The following MPDZ variants were observed in gnomAD, a reference collection of about 807,000 sequenced individuals.
The protein encoded by MPDZ is multiple PDZ domain crumbs cell polarity complex component.
Under a neutral mutation model 239.1 loss-of-function variants are expected in MPDZ, and 234 were observed. That is an observed-to-expected ratio of 0.98 (90% CI 0.88 to 1.09). The LOEUF (loss-of-function observed/expected upper bound fraction) is 1.09, where lower values mean the gene tolerates loss of function less well. Among genes scored for constraint, MPDZ ranks in the 50% least tolerant of loss-of-function variants. The probability of loss-of-function intolerance (pLI) is 0.00; values close to 1 mark genes in which losing one functional copy is unlikely to be tolerated. For missense variants in MPDZ, 3,175 were observed against 2,510.0 expected, an observed-to-expected ratio of 1.26 and a Z score of -5.66; for synonymous variants, 1,048 against 881.3, an observed-to-expected ratio of 1.19 and a Z score of -3.35.
chr9:13,209,338 G>A (rs1010587203), intron 10 of MPDZ, among the ~76,000 whole-genome samples: 3 of 152,112 alleles, frequency 2.0e-5, no homozygotes, highest in African/African-American at 4.8e-5. Context: ...AGCAAACACA[G>A]AAAACAAAAA....
chr9:13,143,451 T>A lies in MPDZ; in HGVS notation c.3840+15A>T. On this transcript the variant is annotated intron_variant, in intron 27 of 46. Transcript: ENST00000319217. The stretch of plus-strand genomic sequence containing the variant: ...CAAAAGGCAACCAACAGCAAGACAA[T>A]GGGCATTATCCAACCTTGTCGGCGT... 2 of 1,588,846 alleles carry A rather than the reference T, an allele frequency of 1.3e-6. No homozygotes were observed. The highest frequency in any genetic ancestry group is 8.6e-7 in the Non-Finnish European group (1 of 1,158,038).
intron 27 of MPDZ, among the ~76,000 whole-genome samples, chr9:13,140,410 G>GTA (rs1411676924): frequency 7.7e-6 from 1 of 129,854 alleles, no homozygotes; most frequent in Non-Finnish European, 1.5e-5. Context: ...ATATATATAT[G>GTA]TATATATATG....
At chr9:13,157,183 T>A (rs564000953) in intron 24 of MPDZ, among the ~76,000 whole-genome samples, 1 of 152,326 alleles carries the variant, frequency 6.6e-6, no homozygotes, top group Admixed American at 6.5e-5. Flanking sequence ...GTAACAAATA[T>A]TAATGTTTAC....
chr9:13,123,469 T>G (rs1944671147), intron 35 of MPDZ, among the ~76,000 whole-genome samples, 171 bp from the exon 36 acceptor site: 2 of 152,114 alleles, frequency 1.3e-5, no homozygotes, highest in Non-Finnish European at 1.5e-5. Context: ...TATTTAAAAA[T>G]AAAACAAATG....
chr9:13,155,693 A>G (rs1949735458), intron 24 of MPDZ, among the ~76,000 whole-genome samples: 1 of 152,204 alleles, frequency 6.6e-6, no homozygotes, highest in African/African-American at 2.4e-5. Flanking sequence ...CATACAAAGT[A>G]CATTTTTGTT....
At chr9:13,242,325 A>T (rs1477378541) in intron 3 of MPDZ, among the ~76,000 whole-genome samples, 1 of 145,918 alleles carries the variant, frequency 6.9e-6, no homozygotes, top group African/African-American at 2.6e-5. Flanking sequence ...TCCTGGGCTC[A>T]AGCAATTCTC....
intron 12 of MPDZ, among the ~76,000 whole-genome samples, chr9:13,200,762 T>C (rs894833528): frequency 6.6e-6 from 1 of 152,162 alleles, no homozygotes; most frequent in African/African-American, 2.4e-5. Flanking sequence ...TATTCCATTA[T>C]GGTCAGAAAA....
At chr9:13,135,992 C>T in intron 31 of MPDZ, 100 bp downstream of exon 31, 2 of 776,662 alleles carry the variant, frequency 2.6e-6, no homozygotes, top group Non-Finnish European at 4.2e-6. Context: ...ACTTATCTAC[C>T]TCTAATATCC....
chr9:13,149,400 A>G (rs1487977167), intron 25 of MPDZ, among the ~76,000 whole-genome samples: 3 of 152,078 alleles, frequency 2.0e-5, no homozygotes, highest in African/African-American at 7.2e-5. Context: ...ACTTGTATAA[A>G]GTAAATATAA....
At chr9:13,209,484 G>T (rs1957367623) in intron 10 of MPDZ, among the ~76,000 whole-genome samples, 1 of 151,920 alleles carries the variant, frequency 6.6e-6, no homozygotes, top group Non-Finnish European at 1.5e-5. Context: ...TAAAACATCT[G>T]GAAAAAAACC....
At chr9:13,249,410 G>A (rs972725791) in intron 2 of MPDZ, among the ~76,000 whole-genome samples, 1 of 152,154 alleles carries the variant, frequency 6.6e-6, no homozygotes, top group Middle Eastern at 3.4e-3. Context: ...TACAGCATGT[G>A]GGTTTAGTAT....
In MPDZ at chr9:13,112,005, G is replaced by C. The variant is rs929041160; in HGVS notation, c.5724+19C>G. On this transcript the variant is annotated intron_variant, in intron 43 of 46. Transcript: ENST00000319217. ...CTGCACATTTTGCTAGGGCTTCTAG[G>C]GTTGATAGTACGACTCACTCTGAGT... The C allele has an allele frequency of 3.1e-6, 5 of 1,611,828 alleles. No homozygotes were observed. Among genetic ancestry groups the C allele is most frequent in the Non-Finnish European group, 4.2e-6 (5 of 1,178,652 alleles).
intron 10 of MPDZ, among the ~76,000 whole-genome samples, chr9:13,216,297 GTT>G (rs760415670): frequency 2.1e-5 from 3 of 141,120 alleles, no homozygotes; most frequent in Non-Finnish European, 4.7e-5. Flanking sequence ...AAGAAGCTAG[GTT>G]TTTTTTTTTT....
At position 13,215,753 on chromosome 9, in the gene MPDZ, G is replaced by GTTTTTTTTTTTTTT. The variant is rs56281339; in HGVS notation, c.1290+1007_1290+1020dup. The stretch of plus-strand genomic sequence containing the variant: ...AGATAAACAGGTTTCTCTATTGCAG[G>GTTTTTTTTTTTTTT]TTTTTTTTTTTTTTTTTTTTTGTCT... On this transcript the variant is annotated intron_variant, in intron 10 of 46. Coordinates refer to ENST00000319217, the MANE Select transcript of MPDZ (RefSeq NM_001378778.1). Among the ~76,000 whole-genome samples, 205 of 89,038 alleles carry GTTTTTTTTTTTTTT rather than the reference G, an allele frequency of 2.3e-3. 1 individual carries two copies. The highest frequency in any genetic ancestry group is 3.2e-3 in the East Asian group (8 of 2,504). The allele number at this position is 89,038 out of a possible 152,430, so 58.4% of individuals were successfully genotyped here. A position where few individuals can be genotyped will look rare whatever the true frequency, so the allele number is the denominator to read the frequency against.
rs1444109820 is a variant in MPDZ at position 13,136,320 on chromosome 9, G to GTTTTTTTTTTTTTT, written c.4293-139_4293-138insAAAAAAAAAAAAAA. On this transcript the variant is annotated intron_variant, in intron 30 of 46. Transcript: ENST00000319217. The stretch of plus-strand genomic sequence containing the variant: ...CTGTGACACTTACAAATTTACAAAC[G>GTTTTTTTTTTTTTT]TTTTCTTTTTTTTTTTTTTTTTTTT... 241 of 194,614 alleles carry GTTTTTTTTTTTTTT rather than the reference G, an allele frequency of 1.2e-3. 26 individuals are homozygous for GTTTTTTTTTTTTTT. Among genetic ancestry groups the GTTTTTTTTTTTTTT allele is most frequent in the African/African-American group, 6.8e-3 (103 of 15,138 alleles). The allele number at this position is 194,614 out of a possible 1,614,324, so 12.1% of individuals were successfully genotyped here. A position where few individuals can be genotyped will look rare whatever the true frequency, so the allele number is the denominator to read the frequency against.
intron 10 of MPDZ, among the ~76,000 whole-genome samples, chr9:13,216,268 G>C (rs1248836114): frequency 6.6e-6 from 1 of 150,416 alleles, no homozygotes; most frequent in Non-Finnish European, 1.5e-5. Context: ...CGATAACAAT[G>C]ATAGCTTGAA....
chr9:13,206,161 A>C lies in MPDZ; in HGVS notation c.1291-62T>G, dbSNP rs1246765727. The stretch of plus-strand genomic sequence containing the variant: ...AAATAAATGGATATTTGTATTACCA[A>C]TTCACAAAATGTGTATGTATAGTTG... On this transcript the variant is annotated intron_variant, in intron 10 of 46. Transcript: ENST00000319217. 10 of 1,430,040 alleles carry C rather than the reference A, an allele frequency of 7.0e-6. No individual in the cohort carries two copies. The Admixed American group carries it at 2.2e-4, about 32-fold the overall frequency. The allele number at this position is 1,430,040 out of a possible 1,614,324, so 88.6% of individuals were successfully genotyped here. A position where few individuals can be genotyped will look rare whatever the true frequency, so the allele number is the denominator to read the frequency against.
At chr9:13,176,461 C>A (rs1431194733) in intron 19 of MPDZ, 44 bp from the exon 20 acceptor site, 1 of 1,437,202 alleles carries the variant, frequency 7.0e-7, no homozygotes, top group Non-Finnish European at 9.3e-7. Context: ...AAAAATGTGA[C>A]CAGAATTACA....
At chr9:13,135,349 C>T (rs1946579631) in intron 31 of MPDZ, 1 of 152,180 alleles carries the variant, frequency 6.6e-6, no homozygotes, top group Admixed American at 6.5e-5. Context: ...TCAGTGAGTA[C>T]ATTTAGTTGG....
Sources: gnomAD v4.1 joint callset for allele counts (sites outside exome capture counted in the v4.1 genomes callset) on GRCh38, gnomAD v4.1.1 for gene constraint, MANE v1.5 for transcripts, NCBI Gene and HGNC (gene_info 2026-07-23, HGNC 2026-07-21) for gene names.